Variants in PAIP2B observed in about 807,000 individuals in gnomAD.
The protein encoded by PAIP2B is polyadenylate-binding protein-interacting protein 2B.
In PAIP2B, 13 loss-of-function variants were observed where a neutral mutation model predicts 17.0. That is an observed-to-expected ratio of 0.76 (90% confidence interval 0.50 to 1.22). The LOEUF (loss-of-function observed/expected upper bound fraction) is 1.22. Among genes scored for constraint, PAIP2B ranks in the 50% most tolerant of loss-of-function variants. The pLI is 0.00. For synonymous variants in PAIP2B, 43 were observed against 48.7 expected (o/e 0.88, Z 0.48); for missense variants, 117 against 144.5 (o/e 0.81, Z 0.98).
chr2:71,216,057 A>G (rs116560210), intron 1 of PAIP2B, among the ~76,000 whole-genome samples: 2,224 of 152,368 alleles, frequency 0.015, 30 homozygotes, highest in Non-Finnish European at 0.022. Context: ...TATATTATCC[A>G]ACATTCCAAT....
At chr2:71,226,599 T>G (rs1675735428) in intron 1 of PAIP2B, among the ~76,000 whole-genome samples, 1 of 152,032 alleles carries the variant, frequency 6.6e-6, no homozygotes, top group East Asian at 1.9e-4. Flanking sequence ...AGGCCAAGAA[T>G]TCGGTTCGAG....
chr2:71,190,687 G>C (rs1199172033), intron 2 of PAIP2B, among the ~76,000 whole-genome samples: 1 of 152,116 alleles, frequency 6.6e-6, no homozygotes, highest in African/African-American at 2.4e-5. Context: ...TCTTTTCTCA[G>C]TCTTGTTACA....
chr2:71,221,789 TG>T (rs1675587348), intron 1 of PAIP2B, among the ~76,000 whole-genome samples: 1 of 152,112 alleles, frequency 6.6e-6, no homozygotes, highest in African/African-American at 2.4e-5. Context: ...CTGGGTCGAG[TG>T]GGGACTTGGG....
chr2:71,221,867 C>A (rs371871421), intron 1 of PAIP2B, among the ~76,000 whole-genome samples: 1 of 149,980 alleles, frequency 6.7e-6, no homozygotes, highest in Non-Finnish European at 1.5e-5. Context: ...CGCCAATCAG[C>A]GCTCTGTAAA....
chr2:71,204,060 C>CTACT (rs1483711101), intron 1 of PAIP2B, among the ~76,000 whole-genome samples: 1 of 152,146 alleles, frequency 6.6e-6, no homozygotes, highest in Non-Finnish European at 1.5e-5. Flanking sequence ...AGCATTAACA[C>CTACT]TACTTAATTG....
rs56871884 is a variant in PAIP2B at position 71,202,595 on chromosome 2, T to C, written c.-6A>G. ...GCCATATTGGATCCATTCATTATGA[T>C]GGAACCTAAAGAGAAGCAAAAGAAA... On this transcript the variant is annotated 5_prime_UTR_variant, in exon 2 of 4. Transcript: ENST00000244221. 0.12 allele frequency: 194,648 copies of C among 1,609,638 alleles called. 12,739 individuals carry two copies. The highest frequency in any genetic ancestry group is 0.15 in the African/African-American group (11,568 of 74,802).
At chr2:71,209,125 A>T (rs966780052) in intron 1 of PAIP2B, among the ~76,000 whole-genome samples, 2 of 152,174 alleles carry the variant, frequency 1.3e-5, no homozygotes, top group Admixed American at 1.3e-4. Flanking sequence ...GTCTCTGATG[A>T]CCTTAATGAG....
intron 1 of PAIP2B, among the ~76,000 whole-genome samples, chr2:71,207,236 GA>G (rs969265128): frequency 2.0e-5 from 3 of 152,174 alleles, no homozygotes; most frequent in African/African-American, 7.2e-5. Context: ...AGGTTTCCCT[GA>G]GCAAGAAACA....
rs34802820 is a variant in PAIP2B at position 71,185,577 on chromosome 2, G to GAAAAAAAAAAAA, written c.*2890_*2901dup. 2.1e-5 allele frequency: 2 copies of GAAAAAAAAAAAA among 97,170 alleles called. No individual in the cohort carries two copies. Among genetic ancestry groups the GAAAAAAAAAAAA allele is most frequent in the African/African-American group, 3.7e-5 (1 of 27,096 alleles). 6.0% of individuals were successfully genotyped at this position (97,170 alleles called of 1,614,324 possible). A position where few individuals can be genotyped will look rare whatever the true frequency, so the allele number is the denominator to read the frequency against. On this transcript the variant is annotated 3_prime_UTR_variant, in exon 4 of 4. Coordinates refer to ENST00000244221, the MANE Select transcript of PAIP2B (RefSeq NM_020459.1). ...AGTGAGACTATGTCTCAAAAAAAAA[G>GAAAAAAAAAAAA]AAAAAAAAAAAAAAAAGAGGGACCC...
At chr2:71,213,336 T>C (rs986952943) in intron 1 of PAIP2B, among the ~76,000 whole-genome samples, 34 of 152,118 alleles carry the variant, frequency 2.2e-4, no homozygotes, top group African/African-American at 8.0e-4. Context: ...ATAATACATC[T>C]GTAATGAGGT....
At chr2:71,216,961 C>T (rs1347406070) in intron 1 of PAIP2B, among the ~76,000 whole-genome samples, 2 of 152,164 alleles carry the variant, frequency 1.3e-5, no homozygotes, top group Admixed American at 6.5e-5. Context: ...GGTGTCAGTT[C>T]TCATCCAGAC....
chr2:71,188,761 A>G (rs1363179733), intron 3 of PAIP2B, among the ~76,000 whole-genome samples: 1 of 152,152 alleles, frequency 6.6e-6, no homozygotes, highest in Non-Finnish European at 1.5e-5. Flanking sequence ...GATGCTTTCC[A>G]AAATCTCATC....
At chr2:71,189,446 G>A (rs1366871947) in intron 3 of PAIP2B, among the ~76,000 whole-genome samples, 4 of 152,190 alleles carry the variant, frequency 2.6e-5, no homozygotes, top group African/African-American at 9.6e-5. Context: ...TTTTATAACA[G>A]AATCATTTAG....
intron 1 of PAIP2B, among the ~76,000 whole-genome samples, chr2:71,220,851 G>C (rs950678095): frequency 6.6e-6 from 1 of 152,082 alleles, no homozygotes; most frequent in African/African-American, 2.4e-5. Flanking sequence ...CTTTCTTCTT[G>C]TTTAGATAGC....
chr2:71,220,265 C>T (rs1675548328), intron 1 of PAIP2B, among the ~76,000 whole-genome samples: 1 of 152,110 alleles, frequency 6.6e-6, no homozygotes. Flanking sequence ...TACAGCAGCA[C>T]GTAACAAAAG....
Position 71,208,809 on chromosome 2 carries a change from G to C in PAIP2B, c.-11-6209C>G, listed in dbSNP as rs559029109. Reference sequence around the variant, plus strand: ...AGGAGGCAATGTGACCATGGAGGCAGAGATTGGAGTGGTGTGGCCACAAAT... The same window carrying C: ...AGGAGGCAATGTGACCATGGAGGCACAGATTGGAGTGGTGTGGCCACAAAT... On this transcript the variant is annotated intron_variant, in intron 1 of 3. Coordinates refer to ENST00000244221, the MANE Select transcript of PAIP2B (RefSeq NM_020459.1). 3.3e-5 allele frequency among the ~76,000 whole-genome samples: 5 copies of C among 152,308 alleles called. No homozygotes were observed. The South Asian group carries it at 1.0e-3, about 32-fold the overall frequency.
At chr2:71,209,383 A>G (rs1348708580) in intron 1 of PAIP2B, among the ~76,000 whole-genome samples, 3 of 152,250 alleles carry the variant, frequency 2.0e-5, no homozygotes, top group African/African-American at 7.2e-5. Context: ...GGGAGAAAGT[A>G]TAGTTGATAG....
At chr2:71,220,841 C>A (rs1243964791) in intron 1 of PAIP2B, among the ~76,000 whole-genome samples, 1 of 152,146 alleles carries the variant, frequency 6.6e-6, no homozygotes, top group African/African-American at 2.4e-5. Flanking sequence ...CTAATTATTC[C>A]TTTCTTCTTG....
intron 2 of PAIP2B, among the ~76,000 whole-genome samples, chr2:71,193,979 G>C (rs1392557042): frequency 1.3e-5 from 2 of 152,174 alleles, no homozygotes; most frequent in African/African-American, 4.8e-5. Context: ...TAAACAGGGA[G>C]TCTTTTCCCT....
Sources: allele counts gnomAD v4.1 joint callset (sites outside exome capture counted in the v4.1 genomes callset), GRCh38; gene constraint gnomAD v4.1.1; transcripts MANE v1.5; gene names NCBI Gene and HGNC (gene_info 2026-07-23, HGNC 2026-07-21).